The following PLA2G12B variants were observed in gnomAD, a reference collection of about 807,000 sequenced individuals.
The protein encoded by PLA2G12B is phospholipase A2 group XIIB, also known as group XIIB secretory phospholipase A2-like protein.
In PLA2G12B, 19 loss-of-function variants were observed where a neutral mutation model predicts 22.3. The observed-to-expected ratio is 0.85, with a 90% confidence interval of 0.60 to 1.25. The LOEUF is 1.25. Among genes scored for constraint, PLA2G12B ranks in the 50% most tolerant of loss-of-function variants. The pLI is 0.00. For missense variants in PLA2G12B, 191 were observed against 246.6 expected (o/e 0.77, Z 1.51); for synonymous variants, 81 against 94.9 (o/e 0.85, Z 0.85).
chr10:72,940,010 A>C (rs973836486), intron 3 of PLA2G12B, among the ~76,000 whole-genome samples: 1 of 152,238 alleles, frequency 6.6e-6, no homozygotes, highest in Non-Finnish European at 1.5e-5. Context: ...AGAATGAATC[A>C]ACAGGACATT....
chr10:72,952,536 G>T (rs1256111261), intron 1 of PLA2G12B, among the ~76,000 whole-genome samples: 3 of 152,150 alleles, frequency 2.0e-5, no homozygotes, highest in East Asian at 1.9e-4. Context: ...AGACGAGCAC[G>T]GTGCATGAGA....
Position 72,935,316 on chromosome 10 carries a change from A to AT in PLA2G12B, c.*300_*301insA, listed in dbSNP as rs1264780441. 1.2e-5 allele frequency: 3 copies of AT among 255,960 alleles called. No individual in the cohort carries two copies. Among genetic ancestry groups the AT allele is most frequent in the Non-Finnish European group, 2.2e-5 (3 of 134,934 alleles). The allele number at this position is 255,960 out of a possible 1,614,324, so 15.9% of individuals were successfully genotyped here. On this transcript the variant is annotated 3_prime_UTR_variant, in exon 4 of 4. Transcript: ENST00000373032. ...CATGAATATAACTATCAGGTCCAGG[A>AT]ATTGCAGGGTTTGCTTGCATTTTAG...
intron 2 of PLA2G12B, 83 bp from the exon 3 acceptor site, chr10:72,941,417 G>T: frequency 7.4e-7 from 1 of 1,351,872 alleles, no homozygotes; most frequent in Non-Finnish European, 1.0e-6. Context: ...TGCCCACCTT[G>T]TTATTAACTA....
At chr10:72,936,750 G>C (rs140062565) in intron 3 of PLA2G12B, among the ~76,000 whole-genome samples, 10 of 151,950 alleles carry the variant, frequency 6.6e-5, no homozygotes, top group Non-Finnish European at 1.3e-4. Context: ...TAAATTTTAC[G>C]GTATGTGAAT....
intron 1 of PLA2G12B, among the ~76,000 whole-genome samples, chr10:72,950,598 A>C (rs969652998): frequency 1.6e-4 from 24 of 152,140 alleles, no homozygotes; most frequent in Non-Finnish European, 4.4e-5. Flanking sequence ...CTCCTGCCTC[A>C]GCCTCCCAGG....
At chr10:72,953,667 A>T (rs1846568837) in intron 1 of PLA2G12B, among the ~76,000 whole-genome samples, 1 of 151,986 alleles carries the variant, frequency 6.6e-6, no homozygotes, top group Non-Finnish European at 1.5e-5. Context: ...CCCTTACATT[A>T]ACTTCCAGGG....
Position 72,954,527 on chromosome 10 carries a change from A to G in PLA2G12B, c.159T>C (p.Phe53=), listed in dbSNP as rs971325332. The change falls in exon 1 of 4, where the codon TTT becomes TTC. Residue 53 remains phenylalanine, a synonymous_variant. Transcript: ENST00000373032. ...FESVNSYFDS[F]LELLGGKNGV... is the part of the protein sequence containing the mutation. ...CATTCTTCCCTCCCAGCAGCTCCAGAAAAGAATCGAAGTAGCTATTGACGG... is the reference window on the plus strand; with the variant it reads ...CATTCTTCCCTCCCAGCAGCTCCAGGAAAGAATCGAAGTAGCTATTGACGG... 6.2e-7 allele frequency: 1 copy of G among 1,614,200 alleles called. No homozygotes were observed. The highest frequency in any genetic ancestry group is 1.1e-5 in the South Asian group (1 of 91,088).
In PLA2G12B at chr10:72,934,965, G is replaced by C. The variant is rs748750898; in HGVS notation, c.*652C>G. Among the ~76,000 whole-genome samples, 23 of 152,232 alleles carry C rather than the reference G, an allele frequency of 1.5e-4. No individual in the cohort carries two copies. The highest frequency in any genetic ancestry group is 1.0e-3 in the South Asian group (5 of 4,822). ...AATACCAATGGGGTAGGTCACCGGA[G>C]GGAAAAATGAATCCTCAGAGACCTA... On this transcript the variant is annotated 3_prime_UTR_variant, in exon 4 of 4. Transcript: ENST00000373032.
Position 72,944,717 on chromosome 10 carries a change from G to C in PLA2G12B, c.212-1977C>G, listed in dbSNP as rs112016777. Among the ~76,000 whole-genome samples, 162 of 152,262 alleles carry C rather than the reference G, an allele frequency of 1.1e-3. 1 individual carries two copies. In the Middle Eastern group the frequency reaches 0.017, roughly 16 times the overall value. ...ATAGAATATCTCATAAAAATCCAGAGCTAAGACTCATGCCTCTGGTATAGT... is the reference window on the plus strand; with the variant it reads ...ATAGAATATCTCATAAAAATCCAGACCTAAGACTCATGCCTCTGGTATAGT... On this transcript the variant is annotated intron_variant, in intron 1 of 3. Transcript: ENST00000373032.
intron 1 of PLA2G12B, among the ~76,000 whole-genome samples, chr10:72,950,562 C>T (rs961176564): frequency 1.3e-5 from 2 of 152,186 alleles, no homozygotes. Context: ...CTCACTGCAA[C>T]CTCTTCCTCC....
At chr10:72,954,035 G>A (rs1205807548) in intron 1 of PLA2G12B, among the ~76,000 whole-genome samples, 1 of 152,204 alleles carries the variant, frequency 6.6e-6, no homozygotes, top group Non-Finnish European at 1.5e-5. Context: ...CCCCATGGCA[G>A]ATTTTTCTCT....
chr10:72,948,052 T>G (rs1290042339), intron 1 of PLA2G12B, among the ~76,000 whole-genome samples: 1 of 152,148 alleles, frequency 6.6e-6, no homozygotes, highest in East Asian at 1.9e-4. Context: ...TTTTTTGTGT[T>G]TTTAGTAGAG....
chr10:72,935,450 CA>C lies in PLA2G12B; in HGVS notation c.*166del, dbSNP rs1185907230. 9.4e-5 allele frequency: 96 copies of C among 1,019,946 alleles called. No homozygotes were observed. The highest frequency in any genetic ancestry group is 1.9e-5 in the South Asian group (1 of 52,956). 63.2% of individuals were successfully genotyped at this position (1,019,946 alleles called of 1,614,324 possible). A position where few individuals can be genotyped will look rare whatever the true frequency, so the allele number is the denominator to read the frequency against. On this transcript the variant is annotated 3_prime_UTR_variant, in exon 4 of 4. Transcript: ENST00000373032. ...CTCCATGTCTTTTTTCAAATTTCCT[CA>C]AAGGATAGGACTCACTTTCCAGCTG...
At chr10:72,940,790 A>C (rs1032224582) in intron 3 of PLA2G12B, among the ~76,000 whole-genome samples, 1 of 152,112 alleles carries the variant, frequency 6.6e-6, no homozygotes, top group Non-Finnish European at 1.5e-5. Flanking sequence ...AAAAAAAAAA[A>C]CTTAAGCCAA....
In PLA2G12B at chr10:72,954,475, C is replaced by G; in HGVS notation, c.211G>C (p.Gly71Arg). 6.2e-7 allele frequency: 1 copy of G among 1,614,206 alleles called. No individual in the cohort carries two copies. The highest frequency in any genetic ancestry group is 8.5e-7 in the Non-Finnish European group (1 of 1,180,038). The change falls in exon 1 of 4, where the codon GGA (glycine) becomes CGA (arginine). Residue 71 changes from glycine (G) to arginine (R), a missense_variant and splice_region_variant. Transcript: ENST00000373032. The part of the protein sequence containing the change: ...NGVCQYRCRY[G>R]KAPMPRPGYK... ...ACAGAAAGAGAAACCGCACACTCAC[C>G]ATATCGGCACCTGTACTGACAGACT...
At chr10:72,952,763 CAA>C (rs1454369477) in intron 1 of PLA2G12B, among the ~76,000 whole-genome samples, 1 of 152,160 alleles carries the variant, frequency 6.6e-6, no homozygotes, top group Non-Finnish European at 1.5e-5. Context: ...TTGTTTTACA[CAA>C]AGTGAGAAGA....
rs1170504989 is a variant in PLA2G12B at position 72,944,127 on chromosome 10, G to A, written c.212-1387C>T. On this transcript the variant is annotated intron_variant, in intron 1 of 3. Coordinates refer to ENST00000373032, the MANE Select transcript of PLA2G12B (RefSeq NM_032562.5). ...TCCTTCCTTCCTTCTTCTCCTACCA[G>A]GTATTTATTTTTAATTATTTTATAT... 2.0e-5 allele frequency among the ~76,000 whole-genome samples: 3 copies of A among 147,196 alleles called. No individual in the cohort carries two copies. In the East Asian group the frequency reaches 6.0e-4, roughly 29 times the overall value.
At chr10:72,944,640 T>A (rs1846412996) in intron 1 of PLA2G12B, among the ~76,000 whole-genome samples, 1 of 152,206 alleles carries the variant, frequency 6.6e-6, no homozygotes, top group South Asian at 2.1e-4. Flanking sequence ...ATTTTCTCCA[T>A]ATTGTATATT....
chr10:72,940,160 C>T (rs181924175), intron 3 of PLA2G12B, among the ~76,000 whole-genome samples: 22 of 152,270 alleles, frequency 1.4e-4, no homozygotes, highest in Non-Finnish European at 2.8e-4. Flanking sequence ...ACCTTCACCT[C>T]CAGACTGCAC....
Sources: allele counts gnomAD v4.1 joint callset (sites outside exome capture counted in the v4.1 genomes callset), GRCh38; gene constraint gnomAD v4.1.1; transcripts MANE v1.5; gene names NCBI Gene and HGNC (gene_info 2026-07-23, HGNC 2026-07-21).